The following FUS variants were observed in gnomAD, a reference collection of about 807,000 sequenced individuals.
FUS encodes the protein FUS RNA binding protein.
In FUS, 5 loss-of-function variants were observed where a neutral mutation model predicts 82.7. That is an observed-to-expected ratio of 0.06 (90% CI 0.03 to 0.13). The LOEUF is 0.13. Among genes scored for constraint, FUS ranks in the 10% least tolerant of loss-of-function variants. The pLI is 1.00. For missense variants in FUS, 512 were observed against 707.8 expected, an observed-to-expected ratio of 0.72 and a Z score of 3.14; for synonymous variants, 281 against 247.4, an observed-to-expected ratio of 1.14 and a Z score of -1.27.
chr16:31,183,180 G>A (rs554752534), intron 3 of FUS: 1 of 188,902 alleles, frequency 5.3e-6, no homozygotes, highest in East Asian at 1.4e-4. Context: ...AGGATCCCTT[G>A]AATTCAGGAG....
chr16:31,190,013 T>C, intron 10 of FUS, 27 bp from the exon 11 acceptor site: 2 of 1,593,328 alleles, frequency 1.3e-6, no homozygotes, highest in Non-Finnish European at 1.7e-6. Context: ...GCATTTAAAG[T>C]CTGTTGATGA....
At chr16:31,193,704 A>G, downstream of FUS, 1 of 532,514 alleles carries the variant, frequency 1.9e-6, no homozygotes, top group Non-Finnish European at 3.6e-6. Flanking sequence ...AGAGACACCT[A>G]GCAGCAGAGA....
intron 3 of FUS, chr16:31,183,579 T>C: frequency 2.1e-6 from 1 of 470,580 alleles, no homozygotes; most frequent in Non-Finnish European, 3.9e-6. Context: ...ACAGTGCTGT[T>C]AACAGGGATC....
chr16:31,187,998 G>A (rs2079295317), intron 7 of FUS: 9 of 423,194 alleles, frequency 2.1e-5, no homozygotes, highest in Non-Finnish European at 3.9e-5. Flanking sequence ...GAGTTGGTTT[G>A]TTCACTTTAA....
At chr16:31,180,588 T>G (rs2058041592) in intron 1 of FUS, among the ~76,000 whole-genome samples, 1 of 152,238 alleles carries the variant, frequency 6.6e-6, no homozygotes, top group Admixed American at 6.5e-5. Flanking sequence ...GTCGCAGTGC[T>G]GCATCCGGGC....
intron 9 of FUS, 125 bp downstream of exon 9, chr16:31,189,351 T>C: frequency 1.2e-6 from 1 of 864,908 alleles, no homozygotes; most frequent in Non-Finnish European, 2.0e-6. Context: ...TGTTGCCAGC[T>C]TAATTTGTTG....
In FUS at chr16:31,185,009, C is replaced by G; in HGVS notation, c.594C>G (p.Asp198Glu). 6.2e-7 allele frequency: 1 copy of G among 1,613,094 alleles called. No individual in the cohort carries two copies. Among genetic ancestry groups the G allele is most frequent in the Non-Finnish European group, 8.5e-7 (1 of 1,179,678 alleles). ...GTGGTGGCGGTTATGGCAATCAAGA[C>G]CAGAGTGGTGGAGGTGGCAGCGGTG... Reference protein sequence around the residue: ...GGSGGGYGNQDQSGGGGSGGY... With the variant: ...GGSGGGYGNQEQSGGGGSGGY... The change falls in exon 6 of 15, where the codon GAC becomes GAG. Residue 198 changes from aspartate (D) to glutamate (E), a missense_variant. Coordinates refer to ENST00000254108, the MANE Select transcript of FUS (RefSeq NM_004960.4).
At chr16:31,192,120 C>T, downstream of FUS, 2 of 531,398 alleles carry the variant, frequency 3.8e-6, no homozygotes, top group Non-Finnish European at 7.3e-6. Context: ...CCTAGCTGCC[C>T]TGGTGAACAG....
rs1323557342 is a variant in FUS at position 31,180,201 on chromosome 16, G to C, written c.-14G>C. ...AACTTCGTTGCTTGCTTGCCTGTGCGCGCGTGCGCGGACATGGCCTCAAAC... is the reference window on the plus strand; with the variant it reads ...AACTTCGTTGCTTGCTTGCCTGTGCCCGCGTGCGCGGACATGGCCTCAAAC... On this transcript the variant is annotated 5_prime_UTR_variant, in exon 1 of 15. Transcript: ENST00000254108. The C allele has an allele frequency of 1.2e-6, 2 of 1,611,010 alleles. No homozygotes were observed. The highest frequency in any genetic ancestry group is 1.7e-6 in the Non-Finnish European group (2 of 1,178,646).
chr16:31,191,628 C>A (rs1041067958), downstream of FUS: 5 of 726,218 alleles, frequency 6.9e-6, no homozygotes, highest in African/African-American at 1.7e-5. Context: ...TCCCCCTTTT[C>A]ACTTTCCTGG....
chr16:31,190,602 G>C (rs1371274333), intron 12 of FUS, 140 bp from the exon 13 acceptor site: 4 of 1,164,632 alleles, frequency 3.4e-6, no homozygotes, highest in Admixed American at 3.5e-5. Flanking sequence ...TTTTGTTCCT[G>C]ACTCTGAGAA....
At chr16:31,180,285 G>A in intron 1 of FUS, 58 bp downstream of exon 1, 2 of 1,575,792 alleles carry the variant, frequency 1.3e-6, no homozygotes, top group Non-Finnish European at 1.7e-6. Context: ...TCCCAGCTGG[G>A]CTTTTCGTTT....
At chr16:31,191,984 A>T (rs2079368482), downstream of FUS, 1 of 533,098 alleles carries the variant, frequency 1.9e-6, no homozygotes, top group Admixed American at 2.2e-5. Flanking sequence ...TAAATGGGGC[A>T]GTATTCAGAT....
chr16:31,186,554 G>A (rs1285927348), intron 6 of FUS: 5 of 562,684 alleles, frequency 8.9e-6, no homozygotes, highest in African/African-American at 1.9e-5. Flanking sequence ...TTTTTTTCCA[G>A]AGGAAATAGA....
At chr16:31,188,856 G>C (rs1596906757) in intron 8 of FUS, 2 of 528,274 alleles carry the variant, frequency 3.8e-6, no homozygotes, top group East Asian at 6.5e-5. Context: ...TTTCTGTGTG[G>C]TCTTGTTGGG....
At chr16:31,185,891 T>C (rs769654167) in intron 6 of FUS, 3 of 260,756 alleles carry the variant, frequency 1.2e-5, no homozygotes, top group African/African-American at 2.2e-5. Context: ...AACCTTAGAT[T>C]TGATGTTAAA....
At chr16:31,192,526 G>C (rs2079375403), downstream of FUS, 1 of 512,748 alleles carries the variant, frequency 2.0e-6, no homozygotes, top group South Asian at 1.5e-5. Context: ...AAATGTGCTG[G>C]GGACCCCTAA....
At chr16:31,185,505 C>G (rs982143131) in intron 6 of FUS, 1 of 593,998 alleles carries the variant, frequency 1.7e-6, no homozygotes. Flanking sequence ...AGACTTCTTT[C>G]TCTGCAAGGG....
intron 6 of FUS, 170 bp from the exon 7 acceptor site, chr16:31,186,632 T>C (rs1468474443): frequency 5.9e-6 from 4 of 677,058 alleles, no homozygotes; most frequent in African/African-American, 1.8e-5. Context: ...GTGTGTGACA[T>C]GCTCAAAGGT....
Sources: allele counts gnomAD v4.1 joint callset (sites outside exome capture counted in the v4.1 genomes callset), GRCh38; gene constraint gnomAD v4.1.1; transcripts MANE v1.5; gene names NCBI Gene and HGNC (gene_info 2026-07-23, HGNC 2026-07-21).